Variants in MLN observed in about 807,000 individuals in gnomAD.
The protein encoded by MLN is motilin, also known as promotilin.
In MLN, 14 loss-of-function variants were observed where a neutral mutation model predicts 13.3. The ratio of observed to expected loss-of-function variants is 1.05; its 90% confidence interval spans 0.69 to 1.64. The LOEUF (loss-of-function observed/expected upper bound fraction) is 1.64, where lower values mean the gene tolerates loss of function less well. Among genes scored for constraint, MLN ranks in the 40% most tolerant of loss-of-function variants. The probability of loss-of-function intolerance (pLI) is 0.00; values close to 1 mark genes in which losing one functional copy is unlikely to be tolerated. For synonymous variants in MLN, 59 were observed against 54.7 expected, an observed-to-expected ratio of 1.08 and a Z score of -0.34; for missense variants, 122 against 142.9, an observed-to-expected ratio of 0.85 and a Z score of 0.75.
At chr6:33,795,332 C>G (rs1367566406) in intron 4 of MLN, among the ~76,000 whole-genome samples, 171 bp downstream of exon 4, 1 of 152,220 alleles carries the variant, frequency 6.6e-6, no homozygotes, top group Non-Finnish European at 1.5e-5. Context: ...CCCTGGAGAA[C>G]TGCTGCAGCC....
intron 4 of MLN, 82 bp downstream of exon 4, chr6:33,795,421 C>T: frequency 8.6e-7 from 1 of 1,157,810 alleles, no homozygotes. Context: ...CAAATTGCCA[C>T]CCTGAAACCC....
intron 1 of MLN, among the ~76,000 whole-genome samples, chr6:33,802,293 AG>A (rs1561936086): frequency 6.6e-6 from 1 of 152,158 alleles, no homozygotes; most frequent in Non-Finnish European, 1.5e-5. Flanking sequence ...CAGGCCTCCA[AG>A]CAGGGAGGGG....
At chr6:33,798,881 A>C (rs1767983349) in intron 3 of MLN, among the ~76,000 whole-genome samples, 1 of 148,240 alleles carries the variant, frequency 6.7e-6, no homozygotes, top group African/African-American at 2.5e-5. Context: ...CCACTCAGTC[A>C]CTCTCCTACT....
chr6:33,796,555 TC>T (rs1458626062), intron 3 of MLN, among the ~76,000 whole-genome samples: 3 of 151,674 alleles, frequency 2.0e-5, no homozygotes, highest in Middle Eastern at 3.4e-3. Flanking sequence ...ACTCCTGGCC[TC>T]TCGGGAGAGT....
intron 3 of MLN, among the ~76,000 whole-genome samples, chr6:33,795,959 CTTTTT>C (rs5875463): frequency 8.2e-6 from 1 of 121,780 alleles, no homozygotes; most frequent in African/African-American, 3.1e-5. Flanking sequence ...TTATTCTAAG[CTTTTT>C]TTTTTTTTTT....
intron 3 of MLN, among the ~76,000 whole-genome samples, chr6:33,796,149 C>T (rs1306125162): frequency 2.0e-5 from 3 of 152,046 alleles, no homozygotes; most frequent in Admixed American, 6.5e-5. Flanking sequence ...TTAGTAGAGA[C>T]GGGGTTTCAC....
chr6:33,796,633 G>A (rs898530675), intron 3 of MLN, among the ~76,000 whole-genome samples: 1 of 152,212 alleles, frequency 6.6e-6, no homozygotes, highest in Non-Finnish European at 1.5e-5. Context: ...CCAGGAATGG[G>A]CCTCCTAGAC....
intron 3 of MLN, among the ~76,000 whole-genome samples, chr6:33,796,570 C>T (rs1193027472): frequency 3.3e-5 from 5 of 152,164 alleles, no homozygotes; most frequent in Admixed American, 6.5e-5. Flanking sequence ...GGAGAGTTGC[C>T]CTGGAGGAGT....
chr6:33,797,692 G>A (rs1022492786), intron 3 of MLN, among the ~76,000 whole-genome samples: 3 of 151,898 alleles, frequency 2.0e-5, no homozygotes, highest in African/African-American at 4.8e-5. Flanking sequence ...AAGACCGCCC[G>A]AGGCCGAACT....
chr6:33,796,672 A>G (rs938382176), intron 3 of MLN, among the ~76,000 whole-genome samples: 1 of 152,312 alleles, frequency 6.6e-6, no homozygotes, highest in South Asian at 2.1e-4. Flanking sequence ...CCTGAAGGGC[A>G]TCTGAAGGGC....
chr6:33,795,195 G>T (rs1425420344), intron 4 of MLN, among the ~76,000 whole-genome samples: 1 of 152,202 alleles, frequency 6.6e-6, no homozygotes, highest in African/African-American at 2.4e-5. Context: ...AATGAATGGG[G>T]GAAGGGAAAG....
rs6916839 is a variant in MLN at position 33,798,148 on chromosome 6, G to A, written c.234+957C>T. 2.3e-3 allele frequency among the ~76,000 whole-genome samples: 344 copies of A among 152,018 alleles called. 2 individuals carry two copies. The highest frequency in any genetic ancestry group is 7.2e-3 in the African/African-American group (299 of 41,432). On this transcript the variant is annotated intron_variant, in intron 3 of 4. Coordinates refer to ENST00000430124, the MANE Select transcript of MLN (RefSeq NM_002418.3). The stretch of plus-strand genomic sequence containing the variant: ...TCCATAACCCACCGCGTCTCCTTGC[G>A]GCTCTGTTTCCCTCCATAGCACATG...
At chr6:33,802,782 C>G (rs955463002) in intron 1 of MLN, among the ~76,000 whole-genome samples, 1 of 152,140 alleles carries the variant, frequency 6.6e-6, no homozygotes, top group Non-Finnish European at 1.5e-5. Context: ...CCCAGAGGAG[C>G]TTGAGCTGAA....
chr6:33,799,113 T>C lies in MLN; in HGVS notation c.226A>G (p.Met76Val). The C allele has an allele frequency of 6.2e-7, 1 of 1,604,242 alleles. No individual in the cohort carries two copies. The part of the protein sequence containing the change: ...AEPIREEENE[M>V]IKLTAPLEIG... ...CCCAGTTGTCTGCTCACCTTGATCA[T>C]TTCGTTTTCTTCTTCCCTGATGGGC... Residue 76 changes from methionine (M) to valine (V), a missense_variant, in exon 3 of 5, where the codon ATG (methionine) becomes GTG (valine). By Grantham distance (21) the Met-to-Val change is conservative (BLOSUM62 1). Coordinates refer to ENST00000430124, the MANE Select transcript of MLN (RefSeq NM_002418.3). This position sits in a 1 kb window ranked among gnomAD's most constrained non-coding sequence, Gnocchi z 4.6.
chr6:33,798,491 G>A (rs1306088587), intron 3 of MLN, among the ~76,000 whole-genome samples: 1 of 152,218 alleles, frequency 6.6e-6, no homozygotes, highest in Non-Finnish European at 1.5e-5. Context: ...TGTCTGGGAG[G>A]GGAGGAATTG....
intron 4 of MLN, 90 bp from the exon 5 acceptor site, chr6:33,794,925 G>A: frequency 6.5e-7 from 1 of 1,539,608 alleles, no homozygotes; most frequent in East Asian, 2.3e-5. Flanking sequence ...TCGGAGGGAG[G>A]AGGGGGCACA....
intron 3 of MLN, 76 bp from the exon 4 acceptor site, chr6:33,795,681 A>C (rs1767899629): frequency 7.7e-7 from 1 of 1,300,062 alleles, no homozygotes; most frequent in Admixed American, 2.0e-5. Context: ...TACAGGTGGC[A>C]GGAGGGACCC....
intron 3 of MLN, 64 bp from the exon 4 acceptor site, chr6:33,795,669 A>C: frequency 7.1e-7 from 1 of 1,404,672 alleles, no homozygotes; most frequent in South Asian, 1.2e-5. Flanking sequence ...CCCTGGGTGC[A>C]CTACAGGTGG....
At chr6:33,798,578 T>A (rs1246497257) in intron 3 of MLN, among the ~76,000 whole-genome samples, 3 of 152,186 alleles carry the variant, frequency 2.0e-5, no homozygotes, top group Non-Finnish European at 4.4e-5. Context: ...CTGCCCCAGC[T>A]CTAAGAGGGC....
Sources: gnomAD v4.1 joint callset for allele counts (sites outside exome capture counted in the v4.1 genomes callset) on GRCh38, gnomAD v4.1.1 for gene constraint, Gnocchi (gnomAD v3.1) non-coding constraint, MANE v1.5 for transcripts, NCBI Gene and HGNC (gene_info 2026-07-23, HGNC 2026-07-21) for gene names.